COL25A1: variants seen among roughly 807,000 people sequenced by gnomAD.
COL25A1 encodes collagen alpha-1(XXV) chain.
Under a neutral mutation model 128.4 loss-of-function variants are expected in COL25A1, and 103 were observed. The ratio of observed to expected loss-of-function variants is 0.80; its 90% CI spans 0.68 to 0.94. The LOEUF is 0.94. Ranked by LOEUF, COL25A1 falls within the 40% of genes least tolerant of loss-of-function variation. The pLI, the probability that COL25A1 is intolerant of heterozygous loss-of-function variation, is 0.00. For synonymous variants in COL25A1, 279 were observed against 277.2 expected (o/e 1.01, Z -0.06); for missense variants, 745 against 840.0 (o/e 0.89, Z 1.40).
At chr4:108,964,078 A>C in intron 8 of COL25A1, among the ~76,000 whole-genome samples, 1 of 150,342 alleles carries the variant, frequency 6.7e-6, no homozygotes, top group African/African-American at 2.4e-5. Flanking sequence ...ATTTAATTAA[A>C]TAATGTGAAT....
chr4:108,852,128 C>A (rs965139171), intron 26 of COL25A1, 108 bp downstream of exon 26: 7 of 858,894 alleles, frequency 8.2e-6, no homozygotes, highest in South Asian at 6.1e-5. Flanking sequence ...TACTGTTGAT[C>A]TCAGCTTCTT....
At chr4:108,824,720 A>T in intron 34 of COL25A1, among the ~76,000 whole-genome samples, 1 of 152,214 alleles carries the variant, frequency 6.6e-6, no homozygotes, top group Admixed American at 6.5e-5. Flanking sequence ...ATGAGCAGTG[A>T]TTGTGTCTAG....
intron 26 of COL25A1, 151 bp downstream of exon 26, chr4:108,852,085 A>C (rs1735850967): frequency 9.2e-6 from 5 of 540,930 alleles, no homozygotes; most frequent in Non-Finnish European, 6.4e-6. Context: ...TTCAGTCCAG[A>C]CCTCAATTTC....
chr4:109,050,242 T>C, intron 3 of COL25A1, 63 bp from the exon 4 acceptor site: 2 of 1,218,358 alleles, frequency 1.6e-6, no homozygotes, highest in Non-Finnish European at 2.4e-6. Context: ...CCAAAATAGC[T>C]AGTAAATAAT....
intron 19 of COL25A1, among the ~76,000 whole-genome samples, chr4:108,873,568 T>TAGTAGC (rs528864282): frequency 0.13 from 18,569 of 144,550 alleles, 1,465 homozygotes; most frequent in East Asian, 0.37. Flanking sequence ...GTAGCAGCAG[T>TAGTAGC]AGCAGCAGTA....
intron 3 of COL25A1, among the ~76,000 whole-genome samples, chr4:109,107,395 G>C (rs1450514026): frequency 6.6e-6 from 1 of 152,086 alleles, no homozygotes; most frequent in Non-Finnish European, 1.5e-5. Flanking sequence ...TAGATATTTT[G>C]AAGTTTATAC....
chr4:109,035,779 C>T (rs980139173), intron 5 of COL25A1, among the ~76,000 whole-genome samples: 4 of 151,994 alleles, frequency 2.6e-5, no homozygotes, highest in South Asian at 4.1e-4. Flanking sequence ...GATATTTGTA[C>T]AAGGTCAAGC....
intron 3 of COL25A1, among the ~76,000 whole-genome samples, chr4:109,105,794 C>T (rs1766373213): frequency 6.6e-6 from 1 of 152,134 alleles, no homozygotes; most frequent in South Asian, 2.1e-4. Flanking sequence ...TAAATAAAAC[C>T]CCACATCCTC....
At chr4:109,158,495 A>G (rs1314791294) in intron 3 of COL25A1, among the ~76,000 whole-genome samples, 1 of 152,228 alleles carries the variant, frequency 6.6e-6, no homozygotes, top group Non-Finnish European at 1.5e-5. Context: ...ATAAAAGGCA[A>G]ATAAGATGTT....
intron 6 of COL25A1, among the ~76,000 whole-genome samples, chr4:108,978,329 C>G (rs2125993245): frequency 6.6e-6 from 1 of 152,332 alleles, no homozygotes; most frequent in South Asian, 2.1e-4. Context: ...TTCTTCTGCT[C>G]TGACTGAAAT....
intron 6 of COL25A1, among the ~76,000 whole-genome samples, chr4:109,001,443 C>A (rs1396428776): frequency 9.4e-5 from 1 of 10,672 alleles, no homozygotes; most frequent in African/African-American, 1.4e-4. Context: ...AGGGTTTTAA[C>A]TGTTCAGTCT....
At chr4:108,886,621 A>G (rs573890044) in intron 18 of COL25A1, among the ~76,000 whole-genome samples, 7 of 152,188 alleles carry the variant, frequency 4.6e-5, no homozygotes, top group African/African-American at 1.7e-4. Flanking sequence ...ATTCTTCCCT[A>G]TTCCTTGACT....
intron 3 of COL25A1, among the ~76,000 whole-genome samples, chr4:109,293,899 A>G (rs115988679): frequency 1.7e-3 from 261 of 152,268 alleles, no homozygotes; most frequent in Non-Finnish European, 3.2e-3. Context: ...GTAAGTACAA[A>G]ATCCTCAACA....
At chr4:109,096,348 T>C (rs146551798) in intron 3 of COL25A1, among the ~76,000 whole-genome samples, 40 of 152,308 alleles carry the variant, frequency 2.6e-4, no homozygotes, top group Admixed American at 4.6e-4. Flanking sequence ...GCTGAAAAAT[T>C]CTTATTGCTT....
At chr4:108,923,391 G>A (rs1385655015) in intron 11 of COL25A1, among the ~76,000 whole-genome samples, 1 of 152,040 alleles carries the variant, frequency 6.6e-6, no homozygotes, top group African/African-American at 2.4e-5. Flanking sequence ...TGTTGCCCAG[G>A]CTGGAGTGCA....
intron 31 of COL25A1, chr4:108,832,717 C>G: frequency 4.1e-6 from 1 of 244,614 alleles, no homozygotes; most frequent in Non-Finnish European, 7.8e-6. Flanking sequence ...GCATCACTGG[C>G]TGGGTGCGGT....
chr4:109,137,473 C>T (rs1769903075), intron 3 of COL25A1, among the ~76,000 whole-genome samples: 2 of 152,060 alleles, frequency 1.3e-5, no homozygotes, highest in South Asian at 4.1e-4. Flanking sequence ...ACTTGAGATC[C>T]ACTGGACCAC....
chr4:109,289,036 G>A (rs992908985), intron 3 of COL25A1, among the ~76,000 whole-genome samples: 2 of 148,880 alleles, frequency 1.3e-5, no homozygotes, highest in Non-Finnish European at 3.0e-5. Context: ...CTTACCTAAA[G>A]AACTGTTTCC....
intron 8 of COL25A1, among the ~76,000 whole-genome samples, chr4:108,946,750 G>A (rs1474134813): frequency 6.6e-6 from 1 of 152,158 alleles, no homozygotes; most frequent in Admixed American, 6.5e-5. Flanking sequence ...CATGTTTCAG[G>A]AGCCATGGAA....
Sources: allele counts gnomAD v4.1 joint callset (sites outside exome capture counted in the v4.1 genomes callset), GRCh38; gene constraint gnomAD v4.1.1; transcripts MANE v1.5; gene names NCBI Gene and HGNC (gene_info 2026-07-23, HGNC 2026-07-21).